The following PRDM6 variants were observed in gnomAD, a reference collection of about 807,000 sequenced individuals.
The protein encoded by PRDM6 is putative histone-lysine N-methyltransferase PRDM6.
A neutral mutation model predicts 60.8 loss-of-function variants in PRDM6; 25 were observed. That is an observed-to-expected ratio of 0.41 (90% CI 0.30 to 0.57). The LOEUF (loss-of-function observed/expected upper bound fraction) is 0.57, where lower values mean the gene tolerates loss of function less well. PRDM6 is among the 20% of genes least tolerant of loss of function. The pLI is 0.27. For synonymous variants in PRDM6, 407 were observed against 357.4 expected, an observed-to-expected ratio of 1.14 and a Z score of -1.57; for missense variants, 839 against 821.3, an observed-to-expected ratio of 1.02 and a Z score of -0.26.
chr5:123,160,437 C>G (rs552823629), intron 5 of PRDM6, among the ~76,000 whole-genome samples: 2 of 152,296 alleles, frequency 1.3e-5, no homozygotes, highest in African/African-American at 4.8e-5. Context: ...TTTCTTGTCA[C>G]CACATTGACT....
intron 3 of PRDM6, among the ~76,000 whole-genome samples, chr5:123,122,763 G>GT (rs1353589635): frequency 2.0e-5 from 3 of 151,886 alleles, no homozygotes; most frequent in Non-Finnish European, 2.9e-5. Flanking sequence ...TTTAATTCTA[G>GT]TTTTTTTCTT....
At chr5:123,175,188 GTA>G (rs1430508686) in intron 6 of PRDM6, among the ~76,000 whole-genome samples, 1 of 152,202 alleles carries the variant, frequency 6.6e-6, no homozygotes, top group East Asian at 1.9e-4. Context: ...TTTCTGACAA[GTA>G]TGTTCTCTTT....
intron 3 of PRDM6, among the ~76,000 whole-genome samples, chr5:123,150,037 A>G (rs335152): frequency 0.72 from 109,333 of 152,084 alleles, 39,448 homozygotes; most frequent in Non-Finnish European, 0.75. Flanking sequence ...TTATGTCTAG[A>G]CTGACGTTTC....
In PRDM6 at chr5:123,153,458, C is replaced by T. The variant is rs76308954; in HGVS notation, c.901-2426C>T. Among the ~76,000 whole-genome samples the T allele has an allele frequency of 3.5e-3, 530 of 152,210 alleles. 1 individual carries two copies. Among genetic ancestry groups the T allele is most frequent in the Non-Finnish European group, 5.8e-3 (394 of 68,006 alleles). On this transcript the variant is annotated intron_variant, in intron 3 of 7. Coordinates refer to ENST00000407847, the MANE Select transcript of PRDM6 (RefSeq NM_001136239.4). Reference sequence around the variant, plus strand: ...ATCAAGGTTGAATGAGTTTGTTCAACTCTGGGTATGTAGTCGTGGGGTTTA... The same window carrying T: ...ATCAAGGTTGAATGAGTTTGTTCAATTCTGGGTATGTAGTCGTGGGGTTTA...
intron 3 of PRDM6, 36 bp from the exon 4 acceptor site, chr5:123,155,848 C>A (rs556256933): frequency 2.6e-6 from 4 of 1,539,158 alleles, no homozygotes; most frequent in Non-Finnish European, 3.5e-6. Context: ...GCTGATGATT[C>A]GTTCTAACTA....
At chr5:123,117,356 G>A (rs189220011) in intron 3 of PRDM6, among the ~76,000 whole-genome samples, 45 of 152,250 alleles carry the variant, frequency 3.0e-4, no homozygotes, top group South Asian at 8.3e-4. Flanking sequence ...GTCACAACTC[G>A]GATTGTCCTG....
chr5:123,094,625 C>T (rs1199959980), intron 2 of PRDM6, among the ~76,000 whole-genome samples: 1 of 152,174 alleles, frequency 6.6e-6, no homozygotes, highest in African/African-American at 2.4e-5. Context: ...CAGCAGTAAT[C>T]TCCATCGATA....
chr5:123,170,886 C>T lies in PRDM6; in HGVS notation c.1274C>T (p.Pro425Leu), dbSNP rs369520615. Residue 425 changes from proline to leucine, a missense_variant, in exon 6 of 8, where the codon CCG (proline) becomes CTG (leucine). By Grantham distance (98) the Pro-to-Leu change is moderately conservative (BLOSUM62 -3). Coordinates refer to ENST00000407847, the MANE Select transcript of PRDM6 (RefSeq NM_001136239.4). ...CGCTCCGTTGTTTTCCCCCAGACTCCGTGCAGCAGGAACTTCTCTCTTCTG... is the reference window on the plus strand; with the variant it reads ...CGCTCCGTTGTTTTCCCCCAGACTCTGTGCAGCAGGAACTTCTCTCTTCTG... ...QQRSVVFPQT[P>L]CSRNFSLLDK... 5.0e-5 allele frequency: 77 copies of T among 1,552,242 alleles called. No individual in the cohort carries two copies. The South Asian group carries it at 6.3e-4, about 13-fold the overall frequency.
intron 3 of PRDM6, among the ~76,000 whole-genome samples, chr5:123,138,063 T>A (rs1765007984): frequency 6.6e-6 from 1 of 152,078 alleles, no homozygotes; most frequent in Admixed American, 6.6e-5. Context: ...TAGGCCAGGA[T>A]TATGTGACAG....
chr5:123,166,570 A>G (rs1292892492), intron 5 of PRDM6, among the ~76,000 whole-genome samples: 2 of 152,230 alleles, frequency 1.3e-5, no homozygotes, highest in Non-Finnish European at 2.9e-5. Context: ...GTAAATATTT[A>G]TCTGTAAAAA....
At chr5:123,140,137 C>T (rs911898597) in intron 3 of PRDM6, among the ~76,000 whole-genome samples, 19 of 151,792 alleles carry the variant, frequency 1.3e-4, no homozygotes, top group East Asian at 5.8e-4. Context: ...ATAATTACCG[C>T]GGCTTATGAA....
intron 3 of PRDM6, among the ~76,000 whole-genome samples, chr5:123,125,275 A>C (rs578016097): frequency 6.6e-6 from 1 of 151,964 alleles, no homozygotes; most frequent in Non-Finnish European, 1.5e-5. Context: ...CTTATAGTAC[A>C]TTTTAAGTCT....
rs1366700819 is a variant in PRDM6, at chr5:123,090,269, C to T, written c.255C>T (p.Ser85=). The stretch of plus-strand genomic sequence containing the variant: ...CCTCCGCCTCGTCCACGCCGGCTTC[C>T]TCTTCCACCTCCGCCTCCTCCGCCT... ...SLSSASSTPA[S]SSTSASSASS... The change falls in exon 2 of 8, where the codon TCC becomes TCT. Residue 85 remains serine, a synonymous_variant. Transcript: ENST00000407847. 7.4e-6 allele frequency: 11 copies of T among 1,484,986 alleles called. No homozygotes were observed. The highest frequency in any genetic ancestry group is 8.9e-6 in the Non-Finnish European group (10 of 1,118,126). 92.0% of individuals were successfully genotyped at this position (1,484,986 alleles called of 1,614,324 possible). A position where few individuals can be genotyped will look rare whatever the true frequency, so the allele number is the denominator to read the frequency against.
At chr5:123,176,555 A>G (rs1360348626) in intron 6 of PRDM6, among the ~76,000 whole-genome samples, 1 of 152,096 alleles carries the variant, frequency 6.6e-6, no homozygotes, top group Non-Finnish European at 1.5e-5. Flanking sequence ...TACAAAAAAT[A>G]TAAAAATTAG....
At chr5:123,107,022 T>A (rs1372660438) in intron 3 of PRDM6, among the ~76,000 whole-genome samples, 1 of 152,188 alleles carries the variant, frequency 6.6e-6, no homozygotes, top group Non-Finnish European at 1.5e-5. Flanking sequence ...TCAAGGAATC[T>A]TACAATTATG....
chr5:123,107,042 T>C (rs1424336804), intron 3 of PRDM6, among the ~76,000 whole-genome samples: 4 of 152,142 alleles, frequency 2.6e-5, no homozygotes, highest in Non-Finnish European at 1.5e-5. Flanking sequence ...GAAATTTCAT[T>C]TGTCTTCAGA....
intron 5 of PRDM6, among the ~76,000 whole-genome samples, chr5:123,162,180 C>G (rs1328036949): frequency 6.6e-6 from 1 of 152,164 alleles, no homozygotes; most frequent in Non-Finnish European, 1.5e-5. Context: ...ATTTCTTACC[C>G]TCGATCTGGA....
intron 1 of PRDM6, 124 bp downstream of exon 1, chr5:123,089,643 C>A: frequency 4.3e-6 from 1 of 232,860 alleles, no homozygotes. Flanking sequence ...CAACGCGGCT[C>A]GGGCGCTGCG....
chr5:123,107,126 G>A (rs1764213767), intron 3 of PRDM6, among the ~76,000 whole-genome samples: 3 of 152,294 alleles, frequency 2.0e-5, no homozygotes, highest in African/African-American at 7.2e-5. Context: ...GAGTTGAATT[G>A]TACTTTTGGG....
Sources: allele counts gnomAD v4.1 joint callset (sites outside exome capture counted in the v4.1 genomes callset), GRCh38; gene constraint gnomAD v4.1.1; transcripts MANE v1.5; gene names NCBI Gene and HGNC (gene_info 2026-07-23, HGNC 2026-07-21).